Variants in LGMN observed in about 807,000 individuals in gnomAD.
LGMN encodes the protein asparaginyl endopeptidase.
A neutral mutation model predicts 56.8 loss-of-function variants in LGMN; 36 were observed. That is an observed-to-expected ratio of 0.63 (90% CI 0.49 to 0.84). The LOEUF (loss-of-function observed/expected upper bound fraction) is 0.84, where lower values mean the gene tolerates loss of function less well. Ranked by LOEUF, LGMN falls within the 40% of genes least tolerant of loss-of-function variation. The pLI, the probability that LGMN is intolerant of heterozygous loss-of-function variation, is 0.00. For missense variants in LGMN, 446 were observed against 556.1 expected (o/e 0.80, Z 1.99); for synonymous variants, 199 against 210.1 (o/e 0.95, Z 0.46).
intron 1 of LGMN, among the ~76,000 whole-genome samples, chr14:92,742,251 T>TGCA (rs1891590445): frequency 6.6e-6 from 1 of 151,780 alleles, no homozygotes; most frequent in Admixed American, 6.6e-5. Flanking sequence ...TCTCTCCTAT[T>TGCA]GCAGTAGCTA....
chr14:92,705,423 A>T (rs1889379036), intron 12 of LGMN, among the ~76,000 whole-genome samples: 1 of 151,594 alleles, frequency 6.6e-6, no homozygotes, highest in Non-Finnish European at 1.5e-5. Context: ...AATTGCTTGA[A>T]CCCAGGAGGC....
chr14:92,727,825 T>C, intron 2 of LGMN, among the ~76,000 whole-genome samples: 1 of 152,278 alleles, frequency 6.6e-6, no homozygotes, highest in South Asian at 2.1e-4. Flanking sequence ...CCTAAAAGGC[T>C]GGGGGCTCCT....
Position 92,719,293 on chromosome 14 carries a change from GCCGCCGCCACCGCCGCCA to G in LGMN, c.139-467_139-450del, listed in dbSNP as rs1327035250. 6.7e-3 allele frequency among the ~76,000 whole-genome samples: 267 copies of G among 40,086 alleles called. 11 individuals are homozygous for G. The highest frequency in any genetic ancestry group is 0.018 in the African/African-American group (230 of 12,964). 26.3% of individuals were successfully genotyped at this position (40,086 alleles called of 152,430 possible). Reference sequence around the variant, plus strand: ...CGCCGCCGCCACCGCCGCCGCCGCCGCCGCCGCCACCGCCGCCACCGCCGCCGCCGCCACCGCCACCGC... The same window carrying G: ...CGCCGCCGCCACCGCCGCCGCCGCCGCCGCCGCCGCCGCCACCGCCACCGC... On this transcript the variant is annotated intron_variant, in intron 2 of 13. Transcript: ENST00000334869.
At chr14:92,739,198 T>C (rs1196617192) in intron 1 of LGMN, among the ~76,000 whole-genome samples, 1 of 152,188 alleles carries the variant, frequency 6.6e-6, no homozygotes, top group Non-Finnish European at 1.5e-5. Flanking sequence ...GCATTTATTG[T>C]ATGATTTTTG....
intron 1 of LGMN, among the ~76,000 whole-genome samples, chr14:92,744,815 A>T (rs1013024905): frequency 2.0e-5 from 3 of 152,062 alleles, no homozygotes; most frequent in Admixed American, 2.0e-4. Context: ...GCTGGTCTTG[A>T]ACTCCTGACC....
At chr14:92,725,911 C>T (rs546066947) in intron 2 of LGMN, among the ~76,000 whole-genome samples, 6 of 152,110 alleles carry the variant, frequency 3.9e-5, no homozygotes, top group African/African-American at 1.4e-4. Flanking sequence ...TATTGTGCAA[C>T]AACATGGATT....
At chr14:92,713,583 G>T (rs7144359) in intron 7 of LGMN, among the ~76,000 whole-genome samples, 1 of 152,104 alleles carries the variant, frequency 6.6e-6, no homozygotes, top group Admixed American at 6.6e-5. Flanking sequence ...GGCCCCCTCC[G>T]CAGACCTACT....
intron 11 of LGMN, among the ~76,000 whole-genome samples, 191 bp downstream of exon 11, chr14:92,709,481 G>C (rs1889622679): frequency 6.6e-6 from 1 of 152,200 alleles, no homozygotes; most frequent in African/African-American, 2.4e-5. Flanking sequence ...GTCAAGGTTA[G>C]TTTACTCATG....
At chr14:92,743,965 C>T (rs111766228) in intron 1 of LGMN, among the ~76,000 whole-genome samples, 1 of 151,482 alleles carries the variant, frequency 6.6e-6, no homozygotes, top group Non-Finnish European at 1.5e-5. Flanking sequence ...ACCATCCTGG[C>T]GAACATGGTG....
chr14:92,733,768 C>G (rs748414889), intron 1 of LGMN: 3 of 152,134 alleles, frequency 2.0e-5, no homozygotes, highest in Non-Finnish European at 2.9e-5. Flanking sequence ...GATCAGGCCA[C>G]TGCACTCCAG....
chr14:92,730,342 T>G (rs1890987911), intron 2 of LGMN, among the ~76,000 whole-genome samples: 1 of 152,258 alleles, frequency 6.6e-6, no homozygotes, highest in African/African-American at 2.4e-5. Flanking sequence ...AATGAGTTAT[T>G]CATTCATTCC....
chr14:92,735,870 C>T (rs80176526), intron 1 of LGMN, among the ~76,000 whole-genome samples: 6,546 of 151,670 alleles, frequency 0.043, 441 homozygotes, highest in African/African-American at 0.15. Context: ...GTGCTGGGGA[C>T]CCCCAGTGCT....
rs116146031 is a variant in LGMN at position 92,706,182 on chromosome 14, G to A, written c.1191+301C>T. On this transcript the variant is annotated intron_variant, in intron 12 of 13. Coordinates refer to ENST00000334869, the MANE Select transcript of LGMN (RefSeq NM_005606.7). The stretch of plus-strand genomic sequence containing the variant: ...TGTGGCTCGTGTGAGGGGTAGAGAC[G>A]AGGGTGGGGTTTGGCAGGGACAGCA... Among the ~76,000 whole-genome samples, 686 of 152,302 alleles carry A rather than the reference G, an allele frequency of 4.5e-3. 3 individuals are homozygous for A. Among genetic ancestry groups the A allele is most frequent in the African/African-American group, 0.016 (650 of 41,542 alleles).
intron 5 of LGMN, among the ~76,000 whole-genome samples, chr14:92,715,319 A>T (rs901903916): frequency 6.6e-6 from 1 of 151,948 alleles, no homozygotes; most frequent in Admixed American, 6.5e-5. Context: ...CCTGGATTCA[A>T]GCAATTCTCC....
chr14:92,746,759 G>A (rs1566940540), intron 1 of LGMN, among the ~76,000 whole-genome samples: 1 of 152,146 alleles, frequency 6.6e-6, no homozygotes. Context: ...ACCACCAGCC[G>A]GGCGCGGTGG....
chr14:92,711,393 G>C (rs923708718), intron 10 of LGMN, among the ~76,000 whole-genome samples: 1 of 152,164 alleles, frequency 6.6e-6, no homozygotes, highest in Admixed American at 6.5e-5. Context: ...TACCTTGTAC[G>C]CTTGGGTTTC....
intron 2 of LGMN, among the ~76,000 whole-genome samples, chr14:92,720,821 T>G (rs1890428041): frequency 6.6e-6 from 1 of 152,208 alleles, no homozygotes; most frequent in Non-Finnish European, 1.5e-5. Flanking sequence ...GCCAATCAGC[T>G]GGTCTTAAAA....
intron 1 of LGMN, chr14:92,740,973 C>G (rs11160090): frequency 6.6e-6 from 1 of 151,732 alleles, no homozygotes; most frequent in Admixed American, 6.6e-5. Context: ...GATCACTTGA[C>G]GCCAGGAGTT....
intron 2 of LGMN, among the ~76,000 whole-genome samples, chr14:92,719,356 A>ACCGCC (rs1890333781): frequency 1.6e-5 from 2 of 124,924 alleles, no homozygotes; most frequent in African/African-American, 6.5e-5. Context: ...CACCACCACC[A>ACCGCC]ACACCACCAC....
Sources: gnomAD v4.1 joint callset for allele counts (sites outside exome capture counted in the v4.1 genomes callset) on GRCh38, gnomAD v4.1.1 for gene constraint, MANE v1.5 for transcripts, NCBI Gene and HGNC (gene_info 2026-07-23, HGNC 2026-07-21) for gene names.